The following TEK variants were observed in gnomAD, a reference collection of about 807,000 sequenced individuals.
TEK encodes TEK receptor tyrosine kinase, also known as angiopoietin-1 receptor.
In TEK, 43 loss-of-function variants were observed where a neutral mutation model predicts 131.8. That is an observed-to-expected ratio of 0.33 (90% CI 0.26 to 0.42). The LOEUF (loss-of-function observed/expected upper bound fraction) is 0.42. Ranked by LOEUF, TEK falls within the 10% of genes least tolerant of loss-of-function variation. The pLI, the probability that TEK is intolerant of heterozygous loss-of-function variation, is 1.00. For missense variants in TEK, 1,162 were observed against 1,384.4 expected, an observed-to-expected ratio of 0.84 and a Z score of 2.55; for synonymous variants, 580 against 491.6, an observed-to-expected ratio of 1.18 and a Z score of -2.38.
At chr9:27,153,442 T>G (rs1049013482) in intron 1 of TEK, among the ~76,000 whole-genome samples, 20 of 152,098 alleles carry the variant, frequency 1.3e-4, no homozygotes, top group African/African-American at 4.6e-4. Context: ...AGGGCGAGAC[T>G]CCGTCTCAAA....
intron 1 of TEK, among the ~76,000 whole-genome samples, chr9:27,154,702 A>C (rs1823263640): frequency 6.6e-6 from 1 of 152,184 alleles, no homozygotes; most frequent in South Asian, 2.1e-4. Flanking sequence ...CTTATACCCA[A>C]AGCTCACATA....
chr9:27,166,043 C>T (rs941962156), intron 2 of TEK, among the ~76,000 whole-genome samples: 2 of 152,254 alleles, frequency 1.3e-5, no homozygotes, highest in Non-Finnish European at 2.9e-5. Context: ...CATCTGAAAG[C>T]CACGGATGAG....
intron 1 of TEK, among the ~76,000 whole-genome samples, chr9:27,124,619 G>A (rs570590833): frequency 4.5e-4 from 68 of 152,220 alleles, no homozygotes; most frequent in Non-Finnish European, 8.4e-4. Context: ...ATGGAGAGTT[G>A]GGGCCAATAA....
chr9:27,170,471 A>T (rs1587546310), intron 4 of TEK, among the ~76,000 whole-genome samples: 1 of 152,142 alleles, frequency 6.6e-6, no homozygotes, highest in Admixed American at 6.5e-5. Flanking sequence ...CAAAAAATAC[A>T]AAAATTAGCC....
chr9:27,154,696 T>C lies in TEK; in HGVS notation c.53-3135T>C, dbSNP rs143140176. The stretch of plus-strand genomic sequence containing the variant: ...GGAAGCTGGTAGGTATGTCTTCTTA[T>C]ACCCAAAGCTCACATAGAAGATCCT... On this transcript the variant is annotated intron_variant, in intron 1 of 22. Transcript: ENST00000380036. Among the ~76,000 whole-genome samples the C allele has an allele frequency of 5.3e-4, 81 of 152,340 alleles. No individual in the cohort carries two copies. In the East Asian group the frequency reaches 0.015, roughly 28 times the overall value.
Position 27,156,373 on chromosome 9 carries a change from G to A in TEK, c.53-1458G>A, listed in dbSNP as rs922229406. Reference sequence around the variant, plus strand: ...AAATAATCACAAATTATGGTAATCTGTATGAATAAAACAGGAGGCCAAATT... The same window carrying A: ...AAATAATCACAAATTATGGTAATCTATATGAATAAAACAGGAGGCCAAATT... On this transcript the variant is annotated intron_variant, in intron 1 of 22. Coordinates refer to ENST00000380036, the MANE Select transcript of TEK (RefSeq NM_000459.5). Among the ~76,000 whole-genome samples, 3 of 152,008 alleles carry A rather than the reference G, an allele frequency of 2.0e-5. No homozygotes were observed. In the South Asian group the frequency reaches 6.2e-4, roughly 32 times the overall value.
intron 1 of TEK, among the ~76,000 whole-genome samples, chr9:27,138,426 T>G (rs1282862087): frequency 6.6e-6 from 1 of 152,170 alleles, no homozygotes; most frequent in Non-Finnish European, 1.5e-5. Context: ...GAGTGCTGAT[T>G]GGTGCATTTA....
chr9:27,140,209 AT>A (rs1298918189), intron 1 of TEK, among the ~76,000 whole-genome samples: 1 of 151,268 alleles, frequency 6.6e-6, no homozygotes, highest in East Asian at 1.9e-4. Context: ...AATGCAGGTG[AT>A]TTCACTTGCC....
At chr9:27,120,731 A>G (rs1469242582) in intron 1 of TEK, among the ~76,000 whole-genome samples, 1 of 152,216 alleles carries the variant, frequency 6.6e-6, no homozygotes, top group East Asian at 1.9e-4. Flanking sequence ...AGGAAGTAAG[A>G]TATACTCGAC....
intron 14 of TEK, among the ~76,000 whole-genome samples, chr9:27,206,313 T>C (rs1271945503): frequency 6.6e-6 from 1 of 152,174 alleles, no homozygotes; most frequent in Non-Finnish European, 1.5e-5. Context: ...ACATGGAATA[T>C]GTACTGTTAC....
At chr9:27,192,420 A>G (rs1001996633) in intron 10 of TEK, 69 bp from the exon 11 acceptor site, 15 of 1,597,990 alleles carry the variant, frequency 9.4e-6, no homozygotes, top group Non-Finnish European at 1.2e-5. Context: ...CATCGCAATA[A>G]CAACAACCCC....
chr9:27,222,630 G>A (rs895155569), intron 21 of TEK, among the ~76,000 whole-genome samples: 2 of 152,058 alleles, frequency 1.3e-5, no homozygotes, highest in Admixed American at 6.6e-5. Flanking sequence ...ATAACTGAAG[G>A]AGAAATAAAT....
At chr9:27,176,723 C>T (rs897698656) in intron 6 of TEK, among the ~76,000 whole-genome samples, 3 of 152,238 alleles carry the variant, frequency 2.0e-5, no homozygotes, top group Non-Finnish European at 2.9e-5. Context: ...TTGCTCAGCA[C>T]ATTTCAAGTG....
chr9:27,217,967 C>T (rs1205223212), intron 19 of TEK, among the ~76,000 whole-genome samples: 1 of 152,050 alleles, frequency 6.6e-6, no homozygotes, highest in African/African-American at 2.4e-5. Flanking sequence ...TTTGGGTTTC[C>T]CTCTGCATAC....
At chr9:27,218,853 A>T in intron 20 of TEK, 36 bp downstream of exon 20, 1 of 1,604,466 alleles carries the variant, frequency 6.2e-7, no homozygotes, top group East Asian at 2.2e-5. Flanking sequence ...GTGAGACTCT[A>T]GGCAAAGTGA....
intron 2 of TEK, among the ~76,000 whole-genome samples, chr9:27,166,317 A>G (rs911609930): frequency 2.6e-5 from 4 of 152,274 alleles, no homozygotes; most frequent in African/African-American, 7.2e-5. Flanking sequence ...TGAATATTCA[A>G]CAGATCTCTA....
intron 3 of TEK, 110 bp from the exon 4 acceptor site, chr9:27,169,367 A>C: frequency 7.1e-7 from 1 of 1,406,206 alleles, no homozygotes; most frequent in South Asian, 1.2e-5. Context: ...AATATGTGAG[A>C]GCACATTTTC....
intron 1 of TEK, among the ~76,000 whole-genome samples, chr9:27,121,280 C>T (rs978528844): frequency 6.6e-6 from 1 of 152,132 alleles, no homozygotes; most frequent in Admixed American, 6.5e-5. Flanking sequence ...GAGCTGAGAT[C>T]GTGCCATTGC....
intron 2 of TEK, 119 bp from the exon 3 acceptor site, chr9:27,168,376 C>T: frequency 1.3e-6 from 1 of 764,472 alleles, no homozygotes; most frequent in Non-Finnish European, 2.3e-6. Context: ...TTTTCACCTT[C>T]CAAAAACCAT....
Sources: allele counts gnomAD v4.1 joint callset (sites outside exome capture counted in the v4.1 genomes callset), GRCh38; gene constraint gnomAD v4.1.1; transcripts MANE v1.5; gene names NCBI Gene and HGNC (gene_info 2026-07-23, HGNC 2026-07-21).